Variants in PTPRM observed in about 807,000 individuals in gnomAD.
The protein encoded by PTPRM is receptor-type tyrosine-protein phosphatase mu.
PTPRM carries 47 observed loss-of-function variants against 186.7 expected under a neutral mutation model. That is an observed-to-expected ratio of 0.25 (90% confidence interval 0.20 to 0.32). The LOEUF (loss-of-function observed/expected upper bound fraction) is 0.32. Ranked by LOEUF, PTPRM falls within the 10% of genes least tolerant of loss-of-function variation. The pLI, the probability that PTPRM is intolerant of heterozygous loss-of-function variation, is 1.00. For missense variants in PTPRM, 1,494 were observed against 1,865.0 expected (o/e 0.80, Z 3.66); for synonymous variants, 668 against 674.9 (o/e 0.99, Z 0.16).
At position 7,949,314 on chromosome 18, in the gene PTPRM, G is replaced by C; in HGVS notation, c.797G>C (p.Gly266Ala). 6.2e-7 allele frequency: 1 copy of C among 1,614,120 alleles called. No individual in the cohort carries two copies. Among genetic ancestry groups the C allele is most frequent in the South Asian group, 1.1e-5 (1 of 91,070 alleles). The change falls in exon 6 of 33, where the codon GGA becomes GCA. Residue 266 changes from glycine to alanine, a missense_variant. This residue lies in a region of PTPRM where 296 missense variants were observed against 345.5 expected (regional missense o/e 0.86). Transcript: ENST00000580170. Reference sequence around the variant, plus strand: ...TACCGCTGCATGATTCGCACTGAAGGAGGTGTTGGAATATCAAACTATGCA... The same window carrying C: ...TACCGCTGCATGATTCGCACTGAAGCAGGTGTTGGAATATCAAACTATGCA... ...GKYRCMIRTE[G>A]GVGISNYAEL...
chr18:7,832,643 T>C (rs1426587686), intron 2 of PTPRM, among the ~76,000 whole-genome samples: 1 of 152,202 alleles, frequency 6.6e-6, no homozygotes, highest in Non-Finnish European at 1.5e-5. Flanking sequence ...TTGTCCATTT[T>C]GGCTTTTGGT....
chr18:7,800,659 A>C (rs966179917), intron 2 of PTPRM, among the ~76,000 whole-genome samples: 4 of 152,226 alleles, frequency 2.6e-5, no homozygotes, highest in Admixed American at 6.5e-5. Context: ...ACAGTTGGTC[A>C]TATAGTCATG....
At chr18:7,984,132 G>T (rs539714845) in intron 7 of PTPRM, among the ~76,000 whole-genome samples, 20 of 152,262 alleles carry the variant, frequency 1.3e-4, no homozygotes, top group African/African-American at 3.9e-4. Flanking sequence ...AGCACCTGGT[G>T]TTTCTAACAA....
chr18:8,031,002 A>G (rs1243666288), intron 7 of PTPRM, among the ~76,000 whole-genome samples: 3 of 152,034 alleles, frequency 2.0e-5, no homozygotes, highest in Admixed American at 6.5e-5. Flanking sequence ...CTTTTTCTCC[A>G]TTTTTGGAAG....
intron 7 of PTPRM, among the ~76,000 whole-genome samples, chr18:8,019,414 GTTC>G (rs2085071899): frequency 6.6e-6 from 1 of 152,204 alleles, no homozygotes; most frequent in South Asian, 2.1e-4. Context: ...AAAAAGCAGT[GTTC>G]TTCTACACAA....
chr18:7,766,234 A>T (rs2042008263), intron 1 of PTPRM, among the ~76,000 whole-genome samples: 1 of 151,962 alleles, frequency 6.6e-6, no homozygotes, highest in Non-Finnish European at 1.5e-5. Context: ...TGCCATTTGT[A>T]AAAATAAGAA....
intron 1 of PTPRM, among the ~76,000 whole-genome samples, chr18:7,707,525 G>A (rs2040120369): frequency 6.6e-6 from 1 of 152,074 alleles, no homozygotes; most frequent in East Asian, 1.9e-4. Flanking sequence ...TGTCATTCCA[G>A]CTACTCAGGA....
intron 7 of PTPRM, among the ~76,000 whole-genome samples, chr18:8,050,766 C>T (rs568852643): frequency 1.6e-4 from 24 of 152,194 alleles, no homozygotes; most frequent in African/African-American, 5.3e-4. Context: ...AAGGAAGGGG[C>T]GGGCTCTCTT....
chr18:8,203,261 T>C (rs1051422174), intron 14 of PTPRM, among the ~76,000 whole-genome samples: 3 of 152,230 alleles, frequency 2.0e-5, no homozygotes, highest in African/African-American at 7.2e-5. Flanking sequence ...TAGAGTTCCT[T>C]GGCTGTTTAA....
intron 1 of PTPRM, among the ~76,000 whole-genome samples, chr18:7,719,811 C>T (rs1169227107): frequency 6.6e-6 from 1 of 152,158 alleles, no homozygotes; most frequent in Non-Finnish European, 1.5e-5. Context: ...GAAACTACCT[C>T]TTTACAGATG....
chr18:7,938,484 T>C (rs979570687), intron 5 of PTPRM, among the ~76,000 whole-genome samples: 8 of 152,172 alleles, frequency 5.3e-5, no homozygotes, highest in African/African-American at 1.9e-4. Context: ...TTTGCAAAGG[T>C]TTGAACCTTT....
At chr18:8,287,111 A>G (rs1449744077) in intron 19 of PTPRM, among the ~76,000 whole-genome samples, 16 of 152,102 alleles carry the variant, frequency 1.1e-4, no homozygotes. Context: ...AAAAAAAGAG[A>G]AAAGAGGGAC....
At chr18:7,864,742 T>C (rs1484928922) in intron 2 of PTPRM, among the ~76,000 whole-genome samples, 1 of 152,174 alleles carries the variant, frequency 6.6e-6, no homozygotes, top group Non-Finnish European at 1.5e-5. Context: ...AGAAAGTCAA[T>C]GGTAGCTTGA....
In PTPRM at chr18:8,343,556, T is replaced by C. The variant is rs375034758; in HGVS notation, c.3054+36T>C. 19 of 1,592,566 alleles carry C rather than the reference T, an allele frequency of 1.2e-5. No individual in the cohort carries two copies. The African/African-American group carries it at 2.4e-4, about 20-fold the overall frequency. ...CGTCTGCTGCAAATGGCCATTTTGT[T>C]CCTTGCTTAGTTGGTAACAGAAAGT... On this transcript the variant is annotated intron_variant, in intron 23 of 32. Coordinates refer to ENST00000580170, the MANE Select transcript of PTPRM (RefSeq NM_001105244.2).
intron 1 of PTPRM, among the ~76,000 whole-genome samples, chr18:7,767,397 T>C (rs2042063905): frequency 1.3e-5 from 2 of 152,146 alleles, no homozygotes; most frequent in African/African-American, 2.4e-5. Flanking sequence ...AAAAAAACAA[T>C]TTTTAATATA....
intron 11 of PTPRM, among the ~76,000 whole-genome samples, chr18:8,092,346 C>T (rs2090782904): frequency 6.6e-6 from 1 of 151,968 alleles, no homozygotes; most frequent in African/African-American, 2.4e-5. Context: ...ATTTTAATGT[C>T]TGTTCATGGA....
At chr18:7,723,704 A>C (rs1322105327) in intron 1 of PTPRM, among the ~76,000 whole-genome samples, 1 of 152,094 alleles carries the variant, frequency 6.6e-6, no homozygotes, top group Non-Finnish European at 1.5e-5. Context: ...ATTCCTCAGG[A>C]GGCATGATTT....
At chr18:7,582,310 G>C (rs914434160) in intron 1 of PTPRM, among the ~76,000 whole-genome samples, 2 of 152,096 alleles carry the variant, frequency 1.3e-5, no homozygotes, top group African/African-American at 4.8e-5. Context: ...TTGAAATTTT[G>C]CTGCTGTCCT....
intron 7 of PTPRM, among the ~76,000 whole-genome samples, chr18:8,057,425 C>CTTTTTTTTTTTTTTTT (rs763829289): frequency 9.8e-6 from 1 of 102,562 alleles, no homozygotes; most frequent in African/African-American, 4.3e-5. Flanking sequence ...TGTGATACTT[C>CTTTTTTTTTTTTTTTT]TTTTTTTTTT....
Sources: allele counts gnomAD v4.1 joint callset (sites outside exome capture counted in the v4.1 genomes callset), GRCh38; gene constraint gnomAD v4.1.1; regional missense constraint gnomAD v4.1.1; transcripts MANE v1.5; gene names NCBI Gene and HGNC (gene_info 2026-07-23, HGNC 2026-07-21).